The following DPP4 variants were observed in gnomAD, a reference collection of about 807,000 sequenced individuals.
DPP4 encodes ADCP-2.
DPP4 carries 93 observed loss-of-function variants against 122.4 expected under a neutral mutation model. The observed-to-expected ratio is 0.76, with a 90% CI of 0.64 to 0.90. DPP4 has a LOEUF of 0.90. Ranked by LOEUF, DPP4 falls within the 40% of genes least tolerant of loss-of-function variation. The pLI is 0.00. For missense variants in DPP4, 914 were observed against 907.3 expected (o/e 1.01, Z -0.09); for synonymous variants, 321 against 302.9 (o/e 1.06, Z -0.62).
At chr2:162,053,469 T>C (rs1684456067) in intron 2 of DPP4, among the ~76,000 whole-genome samples, 1 of 151,640 alleles carries the variant, frequency 6.6e-6, no homozygotes, top group South Asian at 2.1e-4. Context: ...TTTAAGAAAG[T>C]TTACAAATTT....
Position 162,035,310 on chromosome 2 carries a change from C to A in DPP4, c.628G>T (p.Ala210Ser), listed in dbSNP as rs1559716892. ...DWVYEEEVFS[A>S]YSALWWSPNG... ...GGAGACCACCACAGAGCAGAGTAGG[C>A]ACTGAAGACTTCCTCTGAAAAAAGA... is the stretch of plus-strand genomic sequence containing the variant. Residue 210 changes from alanine (A) to serine (S), a missense_variant, in exon 9 of 26, where the codon GCC becomes TCC. Physicochemically the swap from Ala to Ser is moderately conservative, Grantham distance 99 (BLOSUM62 1). Transcript: ENST00000360534. The A allele has an allele frequency of 3.1e-6, 5 of 1,610,980 alleles. No homozygotes were observed. Among genetic ancestry groups the A allele is most frequent in the Non-Finnish European group, 3.4e-6 (4 of 1,179,196 alleles).
Position 162,024,787 on chromosome 2 carries a change from T to C in DPP4, c.1023+17A>G, listed in dbSNP as rs12052902. 16 of 1,612,244 alleles carry C rather than the reference T, an allele frequency of 9.9e-6. No individual in the cohort carries two copies. The East Asian group carries it at 2.2e-4, about 22-fold the overall frequency. ...CACATGTTGCTCTAGAAGCAGAACA[T>C]CCCCATTCAGTCTCACCACTAAGCA... On this transcript the variant is annotated intron_variant, in intron 11 of 25. Transcript: ENST00000360534.
chr2:162,011,198 T>A (rs1682697073), intron 20 of DPP4, among the ~76,000 whole-genome samples: 1 of 152,148 alleles, frequency 6.6e-6, no homozygotes, highest in Non-Finnish European at 1.5e-5. Context: ...TTGAGCCAGA[T>A]CACATCTAGT....
At position 161,992,971 on chromosome 2, in the gene DPP4, C is replaced by G. The variant is rs200111166; in HGVS notation, c.*312G>C. 3.7e-6 allele frequency: 1 copy of G among 270,094 alleles called. No individual in the cohort carries two copies. The highest frequency in any genetic ancestry group is 2.2e-5 in the African/African-American group (1 of 45,558). 16.7% of individuals were successfully genotyped at this position (270,094 alleles called of 1,614,324 possible). A position where few individuals can be genotyped will look rare whatever the true frequency, so the allele number is the denominator to read the frequency against. ...GTCCAGTTAGAAAAAGATTAAAATC[C>G]TGCTCAGGGAATCTATGCAAAGCCT... On this transcript the variant is annotated 3_prime_UTR_variant, in exon 26 of 26. Coordinates refer to ENST00000360534, the MANE Select transcript of DPP4 (RefSeq NM_001935.4).
chr2:162,013,224 C>G (rs1682770618), intron 19 of DPP4, among the ~76,000 whole-genome samples: 1 of 151,258 alleles, frequency 6.6e-6, no homozygotes, highest in Admixed American at 6.6e-5. Context: ...TTTTTTAAAA[C>G]CTTTTCTAAT....
intron 2 of DPP4, among the ~76,000 whole-genome samples, chr2:162,065,353 C>G (rs942978434): frequency 6.6e-6 from 1 of 152,086 alleles, no homozygotes; most frequent in African/African-American, 2.4e-5. Context: ...CATGCTCAAC[C>G]ATGAGATGAC....
intron 9 of DPP4, 137 bp from the exon 10 acceptor site, chr2:162,033,790 T>C (rs1307451186): frequency 1.9e-6 from 1 of 525,452 alleles, no homozygotes; most frequent in Non-Finnish European, 3.2e-6. Flanking sequence ...AACAATTTAA[T>C]ATACATAAAA....
chr2:162,073,168 T>C (rs1685176491), intron 2 of DPP4: 1 of 428,188 alleles, frequency 2.3e-6, no homozygotes, highest in African/African-American at 1.9e-5. Context: ...GCATTTATTA[T>C]ACATAACAAG....
chr2:162,020,475 G>T (rs78191208), intron 13 of DPP4, 106 bp downstream of exon 13: 10 of 1,052,024 alleles, frequency 9.5e-6, no homozygotes, highest in Admixed American at 2.8e-5. Flanking sequence ...AAATTAATCT[G>T]ATTTTTATAC....
intron 2 of DPP4, among the ~76,000 whole-genome samples, chr2:162,056,988 G>A (rs6733162): frequency 6.6e-6 from 1 of 151,880 alleles, no homozygotes; most frequent in Admixed American, 6.6e-5. Context: ...TCCTGTGACC[G>A]TCACCCATAA....
rs145405394 is a variant in DPP4 at position 162,044,278 on chromosome 2, T to C, written c.366+1254A>G. On this transcript the variant is annotated intron_variant, in intron 5 of 25. Coordinates refer to ENST00000360534, the MANE Select transcript of DPP4 (RefSeq NM_001935.4). ...ATTTTAACAGAACATAGAGTCTTCA[T>C]GTCCAGGAGAGTGAGCCCAGCCCAG... is the stretch of plus-strand genomic sequence containing the variant. 3.5e-3 allele frequency among the ~76,000 whole-genome samples: 529 copies of C among 152,284 alleles called. 1 individual carries two copies. Among genetic ancestry groups the C allele is most frequent in the African/African-American group, 0.012 (510 of 41,566 alleles).
At chr2:162,067,570 C>T (rs1432791207) in intron 2 of DPP4, among the ~76,000 whole-genome samples, 1 of 152,146 alleles carries the variant, frequency 6.6e-6, no homozygotes, top group African/African-American at 2.4e-5. Context: ...TTAATGCCCC[C>T]AGTTAAAGAA....
intron 2 of DPP4, among the ~76,000 whole-genome samples, chr2:162,062,699 TC>T (rs1684819579): frequency 6.6e-6 from 1 of 152,220 alleles, no homozygotes; most frequent in African/African-American, 2.4e-5. Flanking sequence ...GCATGTTAAA[TC>T]CTTCTCATGC....
At chr2:162,003,079 T>C (rs1701191813) in intron 23 of DPP4, among the ~76,000 whole-genome samples, 2 of 152,174 alleles carry the variant, frequency 1.3e-5, no homozygotes, top group Admixed American at 1.3e-4. Context: ...AATGTGTCCA[T>C]TGCCAGCAAT....
chr2:162,011,350 C>T (rs923604785), intron 20 of DPP4, among the ~76,000 whole-genome samples: 2 of 152,134 alleles, frequency 1.3e-5, no homozygotes, highest in African/African-American at 4.8e-5. Context: ...AGGAGCTACT[C>T]CTAGGACTTC....
intron 5 of DPP4, among the ~76,000 whole-genome samples, chr2:162,041,077 T>C (rs868186011): frequency 6.6e-6 from 1 of 151,972 alleles, no homozygotes; most frequent in African/African-American, 2.4e-5. Flanking sequence ...TTCAGAGTTA[T>C]ATGAACAAGA....
At chr2:162,038,846 A>C (rs1368346721) in intron 7 of DPP4, 103 bp downstream of exon 7, 50 of 980,328 alleles carry the variant, frequency 5.1e-5, no homozygotes, top group Non-Finnish European at 8.0e-5. Context: ...TCTATAGTGA[A>C]GTATTGAGTT....
At chr2:162,046,031 C>T (rs1400710009) in intron 4 of DPP4, among the ~76,000 whole-genome samples, 4 of 152,104 alleles carry the variant, frequency 2.6e-5, no homozygotes, top group African/African-American at 7.2e-5. Flanking sequence ...AGAAAAATAG[C>T]TGGGACCTAA....
chr2:162,065,249 C>T (rs960334671), intron 2 of DPP4, among the ~76,000 whole-genome samples: 5 of 152,154 alleles, frequency 3.3e-5, no homozygotes, highest in African/African-American at 1.2e-4. Context: ...AATGGTTTTC[C>T]TCCCTGATAC....
Sources: gnomAD v4.1 joint callset for allele counts (sites outside exome capture counted in the v4.1 genomes callset) on GRCh38, gnomAD v4.1.1 for gene constraint, MANE v1.5 for transcripts, NCBI Gene and HGNC (gene_info 2026-07-23, HGNC 2026-07-21) for gene names.